The following PDGFRA variants were observed in gnomAD, a reference collection of about 807,000 sequenced individuals.
The protein encoded by PDGFRA is platelet-derived growth factor receptor alpha.
A neutral mutation model predicts 121.5 loss-of-function variants in PDGFRA; 25 were observed. The ratio of observed to expected loss-of-function variants is 0.21; its 90% CI spans 0.15 to 0.29. PDGFRA has a LOEUF of 0.29. Among genes scored for constraint, PDGFRA ranks in the 10% least tolerant of loss-of-function variants. The pLI is 1.00. For missense variants in PDGFRA, 1,008 were observed against 1,345.1 expected (o/e 0.75, Z 3.92); for synonymous variants, 463 against 494.8 (o/e 0.94, Z 0.85).
At position 54,294,321 on chromosome 4, in the gene PDGFRA, G is replaced by C. The variant is rs1724774336; in HGVS notation, c.3123-804G>C. The stretch of plus-strand genomic sequence containing the variant: ...TCAATTTGGTTACTTTGTGTTTGTG[G>C]GCTCTGAATAATATTTGAGTTGTAA... On this transcript the variant is annotated intron_variant, in intron 22 of 22. Coordinates refer to ENST00000257290, the MANE Select transcript of PDGFRA (RefSeq NM_006206.6). 2.0e-5 allele frequency among the ~76,000 whole-genome samples: 3 copies of C among 151,752 alleles called. No homozygotes were observed. The South Asian group carries it at 6.4e-4, about 32-fold the overall frequency.
rs772948645 is a variant in PDGFRA at position 54,285,443 on chromosome 4, C to T, written c.2396C>T (p.Thr799Ile). The change falls in exon 17 of 23, where the codon ACC (threonine) becomes ATC (isoleucine). Residue 799 changes from threonine to isoleucine, a missense_variant. Physicochemically the swap from Thr to Ile is moderately conservative, Grantham distance 89 (BLOSUM62 -1). Transcript: ENST00000257290. The part of the protein sequence containing the change: ...GLTLLDLLSF[T>I]YQVARGMEFL... ...ACTTTATTGGATTTGTTGAGCTTCA[C>T]CTATCAAGTTGCCCGAGGAATGGAG... 11 of 1,586,744 alleles carry T rather than the reference C, an allele frequency of 6.9e-6. No individual in the cohort carries two copies. The highest frequency in any genetic ancestry group is 4.4e-5 in the South Asian group (4 of 90,576).
chr4:54,271,834 C>G (rs941771781), intron 8 of PDGFRA, among the ~76,000 whole-genome samples: 1 of 140,826 alleles, frequency 7.1e-6, no homozygotes, highest in Non-Finnish European at 1.5e-5. Flanking sequence ...TCCTTCCTTC[C>G]TTTTCCTCCC....
intron 1 of PDGFRA, among the ~76,000 whole-genome samples, chr4:54,240,866 G>A (rs538744548): frequency 1.1e-4 from 17 of 152,286 alleles, no homozygotes; most frequent in South Asian, 6.2e-4. Flanking sequence ...GTGCGTTTGC[G>A]TTCCTACATT....
chr4:54,274,616 T>C lies in PDGFRA; in HGVS notation c.1644T>C (p.Ile548=), dbSNP rs115085731. 3.9e-4 allele frequency: 633 copies of C among 1,611,080 alleles called. 3 individuals carry two copies. The African/African-American group carries it at 7.1e-3, about 18-fold the overall frequency. ...TCTCACTTATTGTCCTGGTTGTCAT[T>C]TGGAAACAGGTAGATATTTTCTCAT... ...VIISLIVLVV[I]WKQKPRYEIR... Residue 548 remains isoleucine (I), a synonymous_variant, in exon 11 of 23, where the codon ATT becomes ATC. Coordinates refer to ENST00000257290, the MANE Select transcript of PDGFRA (RefSeq NM_006206.6).
At chr4:54,293,137 A>G (rs903494790) in intron 22 of PDGFRA, among the ~76,000 whole-genome samples, 5 of 152,130 alleles carry the variant, frequency 3.3e-5, no homozygotes, top group Non-Finnish European at 7.4e-5. Context: ...CTATGTCTCT[A>G]TTTTTTGCCC....
intron 1 of PDGFRA, among the ~76,000 whole-genome samples, chr4:54,251,955 A>C (rs1722073450): frequency 1.3e-5 from 2 of 152,236 alleles, no homozygotes; most frequent in African/African-American, 4.8e-5. Flanking sequence ...TATGGCAAAC[A>C]AATTTGTCCC....
intron 3 of PDGFRA, among the ~76,000 whole-genome samples, chr4:54,261,933 T>TA (rs1560467758): frequency 1.8e-3 from 101 of 55,510 alleles, no homozygotes; most frequent in African/African-American, 3.3e-3. Context: ...ATATATATAT[T>TA]TTTTTTTTTT....
intron 1 of PDGFRA, chr4:54,229,737 C>G (rs1720553186): frequency 6.1e-6 from 1 of 164,554 alleles, no homozygotes; most frequent in African/African-American, 2.4e-5. Flanking sequence ...TTTGAGGTTT[C>G]TTTTGGGAGT....
rs116546465 is a variant in PDGFRA, at chr4:54,285,626, C to T, written c.2439+140C>T. ...ACCTGTCTCTCTCCTTCATCCCCTA[C>T]GCAGGTCAGGGAGTCTGAAATCATC... On this transcript the variant is annotated intron_variant, in intron 17 of 22. Coordinates refer to ENST00000257290, the MANE Select transcript of PDGFRA (RefSeq NM_006206.6). 1.5e-3 allele frequency: 1,076 copies of T among 736,138 alleles called. 5 individuals carry two copies. Among genetic ancestry groups the T allele is most frequent in the Non-Finnish European group, 2.2e-3 (893 of 403,242 alleles). The allele number at this position is 736,138 out of a possible 1,614,324, so 45.6% of individuals were successfully genotyped here.
chr4:54,257,881 C>T (rs1462315528), intron 1 of PDGFRA, among the ~76,000 whole-genome samples: 1 of 152,094 alleles, frequency 6.6e-6, no homozygotes, highest in Admixed American at 6.6e-5. Flanking sequence ...CCACTTTTTG[C>T]CCACTTTTTG....
At chr4:54,272,197 A>T (rs192357091) in intron 8 of PDGFRA, among the ~76,000 whole-genome samples, 197 bp from the exon 9 acceptor site, 1 of 151,834 alleles carries the variant, frequency 6.6e-6, no homozygotes, top group African/African-American at 2.4e-5. Context: ...GATAAATCTC[A>T]AAACACCAAA....
chr4:54,234,203 C>A (rs1720877756), intron 1 of PDGFRA, among the ~76,000 whole-genome samples: 1 of 151,992 alleles, frequency 6.6e-6, no homozygotes, highest in Admixed American at 6.5e-5. Flanking sequence ...GGAGATGTCC[C>A]CGAATTCTCC....
rs571797717 is a variant in PDGFRA, at chr4:54,277,280, C to T, written c.1787-108C>T. On this transcript the variant is annotated intron_variant, in intron 12 of 22. Transcript: ENST00000257290. ...GAGGAGTCATTATGATTACTCCAAA[C>T]AGGAAAGACACTCGCCCAGCTGTCC... 2.1e-4 allele frequency: 165 copies of T among 797,936 alleles called. 1 individual carries two copies. The highest frequency in any genetic ancestry group is 3.3e-4 in the Non-Finnish European group (147 of 443,016). The allele number at this position is 797,936 out of a possible 1,614,324, so 49.4% of individuals were successfully genotyped here.
chr4:54,272,228 C>A (rs1209546454), intron 8 of PDGFRA, among the ~76,000 whole-genome samples, 166 bp from the exon 9 acceptor site: 1 of 151,908 alleles, frequency 6.6e-6, no homozygotes, highest in Non-Finnish European at 1.5e-5. Flanking sequence ...TGCTGCTAAC[C>A]ATGTGGGTCT....
chr4:54,234,322 G>A (rs4864862), intron 1 of PDGFRA, among the ~76,000 whole-genome samples: 37,816 of 152,054 alleles, frequency 0.25, 5,046 homozygotes, highest in Admixed American at 0.33. Flanking sequence ...TACAACCTAA[G>A]GAAGGAAGAG....
chr4:54,230,386 T>A (rs1720595045), intron 1 of PDGFRA: 1 of 152,352 alleles, frequency 6.6e-6, no homozygotes, highest in Non-Finnish European at 1.5e-5. Flanking sequence ...TTGAGGAATT[T>A]CGAACCGCAC....
intron 1 of PDGFRA, among the ~76,000 whole-genome samples, chr4:54,241,895 A>G (rs915441685): frequency 1.3e-5 from 2 of 152,172 alleles, no homozygotes; most frequent in African/African-American, 4.8e-5. Context: ...TTGGTGCCCT[A>G]TGTTAAAACA....
rs187382419 is a variant in PDGFRA, at chr4:54,276,366, G to A, written c.1787-1022G>A. Among the ~76,000 whole-genome samples, 83 of 152,200 alleles carry A rather than the reference G, an allele frequency of 5.5e-4. No individual in the cohort carries two copies. In the Middle Eastern group the frequency reaches 0.014, roughly 25 times the overall value. On this transcript the variant is annotated intron_variant, in intron 12 of 22. Transcript: ENST00000257290. ...GTAGTAATAGTAGAATAGGTCTCCC[G>A]TACAGCTGGCTCTGTGTGAATTAAA...
At chr4:54,285,339 C>T (rs1379550389) in intron 16 of PDGFRA, 32 bp from the exon 17 acceptor site, 1 of 854,568 alleles carries the variant, frequency 1.2e-6, no homozygotes. Flanking sequence ...TGCTGCCTGC[C>T]AGCACCAATA....
Sources: allele counts gnomAD v4.1 joint callset (sites outside exome capture counted in the v4.1 genomes callset), GRCh38; gene constraint gnomAD v4.1.1; transcripts MANE v1.5; gene names NCBI Gene and HGNC (gene_info 2026-07-23, HGNC 2026-07-21).